CCDC171: variants seen among roughly 807,000 people sequenced by gnomAD.
CCDC171 encodes coiled-coil domain-containing protein 171.
Under a neutral mutation model 168.2 loss-of-function variants are expected in CCDC171, and 177 were observed. The observed-to-expected ratio is 1.05, with a 90% CI of 0.93 to 1.19. CCDC171 has a LOEUF of 1.19. CCDC171 is among the 50% of genes most tolerant of loss of function. The pLI is 0.00. For missense variants in CCDC171, 1,991 were observed against 1,539.0 expected (o/e 1.29, Z -4.91); for synonymous variants, 687 against 540.8 (o/e 1.27, Z -3.75).
intron 3 of CCDC171, among the ~76,000 whole-genome samples, chr9:15,992,331 C>G (rs1832228545): frequency 6.6e-6 from 1 of 152,178 alleles, no homozygotes; most frequent in Non-Finnish European, 1.5e-5. Context: ...ACAGAAACCA[C>G]ATGATTATCT....
intron 7 of CCDC171, among the ~76,000 whole-genome samples, chr9:15,636,575 A>G (rs2046215191): frequency 6.6e-6 from 1 of 151,268 alleles, no homozygotes. Context: ...ATGGTGAAAT[A>G]TCATCCCTAC....
intron 18 of CCDC171, among the ~76,000 whole-genome samples, chr9:15,761,700 C>T (rs79977693): frequency 0.088 from 13,441 of 152,056 alleles, 636 homozygotes; most frequent in African/African-American, 0.1. Context: ...ATATCTGGAA[C>T]GGAAACAAGC....
intron 24 of CCDC171, among the ~76,000 whole-genome samples, chr9:15,876,775 A>G (rs1481496264): frequency 2.0e-5 from 3 of 152,098 alleles, no homozygotes; most frequent in Non-Finnish European, 4.4e-5. Context: ...GTGCATTTAT[A>G]CTAAGTGTGG....
At chr9:16,084,516 A>G in the CCDC171 span, among the ~76,000 whole-genome samples, 6 of 152,204 alleles carry the variant, frequency 3.9e-5, no homozygotes, top group Non-Finnish European at 8.8e-5. Flanking sequence ...AAGTCCATGC[A>G]TTTTGGTAAT....
intron 12 of CCDC171, among the ~76,000 whole-genome samples, chr9:15,722,710 A>G (rs538819151): frequency 6.6e-6 from 1 of 152,190 alleles, no homozygotes; most frequent in Non-Finnish European, 1.5e-5. Flanking sequence ...TTCACATTTC[A>G]TATGCGGCTT....
At chr9:15,880,482 G>A (rs1818481104) in intron 24 of CCDC171, among the ~76,000 whole-genome samples, 1 of 143,106 alleles carries the variant, frequency 7.0e-6, no homozygotes, top group African/African-American at 2.6e-5. Context: ...TTTTTGAGAC[G>A]GAGTCTCTCT....
chr9:15,594,906 T>G (rs899802776), intron 6 of CCDC171, among the ~76,000 whole-genome samples: 1 of 152,198 alleles, frequency 6.6e-6, no homozygotes, highest in African/African-American at 2.4e-5. Context: ...TCAACTAACT[T>G]AAAACTTCAA....
intron 25 of CCDC171, among the ~76,000 whole-genome samples, chr9:15,945,654 G>GT (rs1828265006): frequency 6.9e-6 from 1 of 145,754 alleles, no homozygotes; most frequent in African/African-American, 2.5e-5. Context: ...TTTTTCATGT[G>GT]TTTTTTGGCT....
At chr9:16,079,415 A>G in the CCDC171 span, among the ~76,000 whole-genome samples, 5 of 152,226 alleles carry the variant, frequency 3.3e-5, no homozygotes, top group South Asian at 1.0e-3. Flanking sequence ...TGGTGTCCTT[A>G]TAAAGGAGGG....
intron 11 of CCDC171, among the ~76,000 whole-genome samples, chr9:15,704,608 AT>A (rs2052061940): frequency 6.6e-6 from 1 of 152,116 alleles, no homozygotes; most frequent in South Asian, 2.1e-4. Context: ...AATGAAAACT[AT>A]TTTCTTGAAT....
intron 7 of CCDC171, among the ~76,000 whole-genome samples, chr9:15,647,203 C>T (rs537040688): frequency 7.9e-5 from 12 of 152,096 alleles, no homozygotes; most frequent in South Asian, 6.3e-4. Flanking sequence ...TTGAAACCAA[C>T]GAGAACAAAG....
the CCDC171 span, among the ~76,000 whole-genome samples, chr9:16,070,873 C>T: frequency 6.6e-6 from 1 of 152,180 alleles, no homozygotes; most frequent in Admixed American, 6.5e-5. Context: ...AGGGGAAGCC[C>T]CTTTCCCGAT....
chr9:15,670,593 TA>T (rs1165707182), intron 9 of CCDC171, among the ~76,000 whole-genome samples: 2 of 152,106 alleles, frequency 1.3e-5, no homozygotes, highest in East Asian at 3.8e-4. Context: ...CTTCTACTTA[TA>T]TATCTCTATT....
intron 7 of CCDC171, among the ~76,000 whole-genome samples, chr9:15,627,207 T>A (rs1413538395): frequency 6.6e-6 from 1 of 152,146 alleles, no homozygotes; most frequent in African/African-American, 2.4e-5. Context: ...TCTTCTCTCT[T>A]TTCTTCTTTA....
At chr9:15,767,756 T>G (rs1365722820) in intron 18 of CCDC171, among the ~76,000 whole-genome samples, 1 of 149,988 alleles carries the variant, frequency 6.7e-6, no homozygotes, top group African/African-American at 2.5e-5. Context: ...CCTCTTTTCA[T>G]GTCCTTGGGC....
the CCDC171 span, among the ~76,000 whole-genome samples, chr9:16,080,847 C>G: frequency 6.6e-6 from 1 of 152,106 alleles, no homozygotes; most frequent in African/African-American, 2.4e-5. Context: ...TTCTGCTGCC[C>G]CCAGGCTGTA....
intron 9 of CCDC171, among the ~76,000 whole-genome samples, chr9:15,667,248 G>T (rs577696978): frequency 6.6e-6 from 1 of 152,228 alleles, no homozygotes; most frequent in South Asian, 2.1e-4. Flanking sequence ...TATGTGGCAT[G>T]ATAATACATT....
At chr9:15,730,415 T>C (rs2054081834) in intron 16 of CCDC171, among the ~76,000 whole-genome samples, 1 of 151,948 alleles carries the variant, frequency 6.6e-6, no homozygotes, top group East Asian at 1.9e-4. Context: ...ATTATTTATA[T>C]TGTTAACTAT....
At chr9:15,808,652 A>C (rs754038064) in intron 21 of CCDC171, among the ~76,000 whole-genome samples, 1 of 152,158 alleles carries the variant, frequency 6.6e-6, no homozygotes, top group Non-Finnish European at 1.5e-5. Context: ...GAAGCAGAGT[A>C]AGGTTAGGAT....
Sources: gnomAD v4.1 joint callset for allele counts (sites outside exome capture counted in the v4.1 genomes callset) on GRCh38, gnomAD v4.1.1 for gene constraint, MANE v1.5 for transcripts, NCBI Gene and HGNC (gene_info 2026-07-23, HGNC 2026-07-21) for gene names.